UNC5D: variants seen among roughly 807,000 people sequenced by gnomAD.
UNC5D encodes unc-5 netrin receptor D.
A neutral mutation model predicts 105.4 loss-of-function variants in UNC5D; 39 were observed. That is an observed-to-expected ratio of 0.37 (90% confidence interval 0.29 to 0.48). The LOEUF is 0.48. Among genes scored for constraint, UNC5D ranks in the 20% least tolerant of loss-of-function variants. The pLI is 0.98. For synonymous variants in UNC5D, 452 were observed against 450.4 expected (o/e 1.00, Z -0.04); for missense variants, 991 against 1,202.4 (o/e 0.82, Z 2.60).
intron 1 of UNC5D, among the ~76,000 whole-genome samples, chr8:35,280,054 G>A (rs1806041505): frequency 6.6e-6 from 1 of 152,006 alleles, no homozygotes; most frequent in African/African-American, 2.4e-5. Context: ...GGAATGCAAT[G>A]GCATGACCTT....
rs573695832 is a variant in UNC5D at position 35,552,278 on chromosome 8, G to T, written c.322+2768G>T. Reference sequence around the variant, plus strand: ...AAGATTTAAGAGATACAATGAGTTTGTGGCATAGCTGTTTCAAGGACCCAG... The same window carrying T: ...AAGATTTAAGAGATACAATGAGTTTTTGGCATAGCTGTTTCAAGGACCCAG... On this transcript the variant is annotated intron_variant, in intron 2 of 16. Transcript: ENST00000404895. Among the ~76,000 whole-genome samples, 4 of 152,294 alleles carry T rather than the reference G, an allele frequency of 2.6e-5. No homozygotes were observed. The East Asian group carries it at 7.7e-4, about 29-fold the overall frequency.
At chr8:35,464,004 T>C (rs1010432546) in intron 1 of UNC5D, among the ~76,000 whole-genome samples, 2 of 152,160 alleles carry the variant, frequency 1.3e-5, no homozygotes, top group African/African-American at 4.8e-5. Context: ...AACTTGCAGA[T>C]TTCTAATCTT....
At chr8:35,718,600 A>C (rs928824024) in intron 8 of UNC5D, among the ~76,000 whole-genome samples, 2 of 152,214 alleles carry the variant, frequency 1.3e-5, no homozygotes, top group African/African-American at 4.8e-5. Flanking sequence ...CAGTTAGGGA[A>C]AACAAAGCAA....
intron 4 of UNC5D, among the ~76,000 whole-genome samples, chr8:35,614,554 T>A (rs1820891292): frequency 1.3e-5 from 2 of 151,762 alleles, no homozygotes; most frequent in African/African-American, 4.9e-5. Context: ...AATAGAAAAC[T>A]AATACACTCT....
chr8:35,572,808 T>C (rs113257440), intron 3 of UNC5D, among the ~76,000 whole-genome samples: 7,332 of 149,598 alleles, frequency 0.049, 173 homozygotes, highest in Middle Eastern at 0.068. Flanking sequence ...ATATTTCTTT[T>C]TTTTTTTTTT....
rs1211049203 is a variant in UNC5D at position 35,787,161 on chromosome 8, C to G, written c.2658-3198C>G. On this transcript the variant is annotated intron_variant, in intron 16 of 16. Transcript: ENST00000404895. ...CATTTACAGAGAAAGTTTGTCAACC[C>G]CTGGTATAGAATAGAGTGTTAACTT... is the stretch of plus-strand genomic sequence containing the variant. Among the ~76,000 whole-genome samples the G allele has an allele frequency of 2.0e-5, 3 of 152,220 alleles. No homozygotes were observed. The East Asian group carries it at 5.8e-4, about 29-fold the overall frequency.
At chr8:35,399,083 T>C (rs1200683141) in intron 1 of UNC5D, among the ~76,000 whole-genome samples, 1 of 144,564 alleles carries the variant, frequency 6.9e-6, no homozygotes, top group Non-Finnish European at 1.5e-5. Context: ...AGTCAGAGGT[T>C]GCAGTGGGGC....
chr8:35,497,651 T>C (rs1474028527), intron 1 of UNC5D, among the ~76,000 whole-genome samples: 3 of 140,568 alleles, frequency 2.1e-5, no homozygotes, highest in Non-Finnish European at 4.5e-5. Context: ...GGAGCATGGA[T>C]GAAAAAAAAA....
chr8:35,456,558 C>T (rs1298075990), intron 1 of UNC5D, among the ~76,000 whole-genome samples: 2 of 152,232 alleles, frequency 1.3e-5, no homozygotes, highest in East Asian at 1.9e-4. Flanking sequence ...TAAAGCATTG[C>T]GAGAACTGAG....
intron 1 of UNC5D, among the ~76,000 whole-genome samples, chr8:35,310,846 T>C (rs1808822667): frequency 6.6e-6 from 1 of 152,096 alleles, no homozygotes; most frequent in South Asian, 2.1e-4. Flanking sequence ...AATATGCTCA[T>C]GCTGAGGGTT....
intron 1 of UNC5D, among the ~76,000 whole-genome samples, chr8:35,441,645 T>A (rs1033660405): frequency 6.6e-6 from 1 of 151,834 alleles, no homozygotes; most frequent in Non-Finnish European, 1.5e-5. Flanking sequence ...GCTTTCAAAG[T>A]GATTCCTAAC....
chr8:35,442,904 T>TCTCACACACACACA (rs1246705327), intron 1 of UNC5D, among the ~76,000 whole-genome samples: 1 of 141,250 alleles, frequency 7.1e-6, no homozygotes, highest in African/African-American at 2.7e-5. Flanking sequence ...TCTCTCTCTC[T>TCTCACACACACACA]CACACACACA....
intron 4 of UNC5D, among the ~76,000 whole-genome samples, chr8:35,646,731 A>T (rs1823078835): frequency 6.6e-6 from 1 of 152,080 alleles, no homozygotes; most frequent in East Asian, 1.9e-4. Flanking sequence ...GGGATCACTG[A>T]TGATTATTAT....
chr8:35,532,379 C>T (rs1814455061), intron 1 of UNC5D, among the ~76,000 whole-genome samples: 1 of 142,250 alleles, frequency 7.0e-6, no homozygotes. Context: ...TTGGCCCCCA[C>T]TCTCTTCTGG....
At chr8:35,374,701 A>G (rs1802598600) in intron 1 of UNC5D, among the ~76,000 whole-genome samples, 1 of 152,228 alleles carries the variant, frequency 6.6e-6, no homozygotes. Context: ...CAGAGATGGC[A>G]CATGTATAGC....
intron 2 of UNC5D, among the ~76,000 whole-genome samples, chr8:35,557,002 G>T (rs1816599059): frequency 6.6e-6 from 1 of 152,192 alleles, no homozygotes; most frequent in African/African-American, 2.4e-5. Context: ...AGCAGGAGAT[G>T]ATTTCAGTGA....
At chr8:35,236,991 G>A (rs1399525211) in intron 1 of UNC5D, among the ~76,000 whole-genome samples, 2 of 152,032 alleles carry the variant, frequency 1.3e-5, no homozygotes, top group Non-Finnish European at 2.9e-5. Context: ...CGACCAGCCT[G>A]GAGAGTGAAA....
At chr8:35,718,241 A>T (rs1202587735) in intron 8 of UNC5D, among the ~76,000 whole-genome samples, 1 of 152,160 alleles carries the variant, frequency 6.6e-6, no homozygotes. Context: ...TTAGTAACAT[A>T]TTGATATGTA....
chr8:35,587,962 AATAAT>A (rs1165598855), intron 3 of UNC5D, among the ~76,000 whole-genome samples: 2 of 77,596 alleles, frequency 2.6e-5, no homozygotes, highest in African/African-American at 8.6e-5. Context: ...CTATAACTAT[AATAAT>A]ATATATATAT....
Sources: allele counts gnomAD v4.1 joint callset (sites outside exome capture counted in the v4.1 genomes callset), GRCh38; gene constraint gnomAD v4.1.1; transcripts MANE v1.5; gene names NCBI Gene and HGNC (gene_info 2026-07-23, HGNC 2026-07-21).